The following PPEF1 variants were observed in gnomAD, a reference collection of about 807,000 sequenced individuals.
PPEF1 encodes the protein serine/threonine-protein phosphatase with EF-hands 1.
In PPEF1, 12 loss-of-function variants were observed where a neutral mutation model predicts 53.3. The ratio of observed to expected loss-of-function variants is 0.23; its 90% CI spans 0.14 to 0.36. PPEF1 has a LOEUF of 0.36. Ranked by LOEUF, PPEF1 falls within the 10% of genes least tolerant of loss-of-function variation. The pLI is 1.00. For synonymous variants in PPEF1, 165 were observed against 176.7 expected (o/e 0.93, Z 0.52); for missense variants, 334 against 490.4 (o/e 0.68, Z 3.01).
chrX:18,790,828 G>A (rs1358137739), intron 10 of PPEF1, among the ~76,000 whole-genome samples: 2 of 109,206 alleles, frequency 1.8e-5, no homozygotes, highest in African/African-American at 6.7e-5. Context: ...GCATTACCAC[G>A]CCTGGCTAAT....
chrX:18,784,223 T>A lies in PPEF1; in HGVS notation c.912+175T>A, dbSNP rs186671811. ...TTAAGAAAAATCTATGACTGCATGA[T>A]AAAGAACTAAGTGGGTAACTTCTAT... On this transcript the variant is annotated intron_variant, in intron 9 of 15. Coordinates refer to ENST00000470157, the MANE Select transcript of PPEF1 (RefSeq NM_001377996.1). 6.3e-5 allele frequency among the ~76,000 whole-genome samples: 7 copies of A among 111,907 alleles called. No individual in the cohort carries two copies. In the East Asian group the frequency reaches 2.0e-3, roughly 31 times the overall value.
chrX:18,708,855 A>G (rs1266817538), intron 1 of PPEF1, among the ~76,000 whole-genome samples: 1 of 111,184 alleles, frequency 9.0e-6, no homozygotes, highest in Non-Finnish European at 1.9e-5. Flanking sequence ...TCTGAACTCT[A>G]CTGCTGTAGT....
intron 7 of PPEF1, among the ~76,000 whole-genome samples, chrX:18,781,498 A>G (rs2046085127): frequency 9.0e-6 from 1 of 111,635 alleles, no homozygotes; most frequent in Non-Finnish European, 1.9e-5. Context: ...ATCCAAGGAA[A>G]GAAAAGTTTT....
intron 4 of PPEF1, among the ~76,000 whole-genome samples, chrX:18,754,510 A>T (rs950597849): frequency 8.9e-6 from 1 of 111,750 alleles, no homozygotes; most frequent in Non-Finnish European, 1.9e-5. Context: ...ATCATCTTAG[A>T]TAGCTAAGGC....
rs192417267 is a variant in PPEF1, at chrX:18,827,014, C to T, written c.1751-262C>T. 5.4e-5 allele frequency among the ~76,000 whole-genome samples: 6 copies of T among 111,643 alleles called. No individual in the cohort carries two copies. The East Asian group carries it at 1.7e-3, about 31-fold the overall frequency. Reference sequence around the variant, plus strand: ...TTGTAATTTCTATACCACATTTAGTCCCATAGTCCACAACCCCGTCCCCAT... The same window carrying T: ...TTGTAATTTCTATACCACATTTAGTTCCATAGTCCACAACCCCGTCCCCAT... On this transcript the variant is annotated intron_variant, in intron 15 of 15. Transcript: ENST00000470157.
chrX:18,820,931 T>A (rs920444964), intron 13 of PPEF1, among the ~76,000 whole-genome samples: 7 of 110,285 alleles, frequency 6.3e-5, no homozygotes, highest in Non-Finnish European at 1.3e-4. Context: ...TTAGAAATAA[T>A]CCTTGGCTCC....
chrX:18,703,468 C>T (rs968195092), upstream of PPEF1, among the ~76,000 whole-genome samples: 1 of 111,910 alleles, frequency 8.9e-6, no homozygotes, highest in African/African-American at 3.3e-5. Context: ...TTGAATAGCA[C>T]CTACCTGTGC....
intron 5 of PPEF1, among the ~76,000 whole-genome samples, chrX:18,759,273 T>C (rs2045611289): frequency 9.0e-6 from 1 of 111,412 alleles, no homozygotes; most frequent in Non-Finnish European, 1.9e-5. Flanking sequence ...AACAGCTCAT[T>C]GAACTTCAAA....
At chrX:18,781,061 C>CA (rs200779386) in intron 7 of PPEF1, among the ~76,000 whole-genome samples, 1,696 of 73,065 alleles carry the variant, frequency 0.023, 64 homozygotes, top group African/African-American at 0.091. Flanking sequence ...GTCTCAAAAA[C>CA]AAAAAAAAAG....
At chrX:18,824,505 G>A (rs1260173824) in intron 14 of PPEF1, among the ~76,000 whole-genome samples, 1 of 111,451 alleles carries the variant, frequency 9.0e-6, no homozygotes, top group African/African-American at 3.3e-5. Flanking sequence ...AAAAGCCGAA[G>A]GGGAATCTCC....
chrX:18,815,674 C>T (rs1301078348), intron 12 of PPEF1, among the ~76,000 whole-genome samples: 1 of 111,015 alleles, frequency 9.0e-6, no homozygotes, highest in Admixed American at 9.7e-5. Flanking sequence ...GTGATGTCCC[C>T]TCTCACTCTT....
intron 5 of PPEF1, 122 bp from the exon 6 acceptor site, chrX:18,761,408 C>A (rs1458549574): frequency 6.8e-6 from 4 of 587,336 alleles, no homozygotes; most frequent in Non-Finnish European, 1.1e-5. Context: ...AAATTAACAT[C>A]GTCATAGGAT....
intron 3 of PPEF1, among the ~76,000 whole-genome samples, chrX:18,741,170 T>G (rs928057171): frequency 3.6e-5 from 4 of 112,071 alleles, no homozygotes; most frequent in African/African-American, 1.3e-4. Context: ...CCATTTTTTC[T>G]TTTAGATAAC....
At chrX:18,760,282 T>C (rs1190937950) in intron 5 of PPEF1, among the ~76,000 whole-genome samples, 1 of 111,407 alleles carries the variant, frequency 9.0e-6, no homozygotes. Context: ...CCACCGTGCC[T>C]GGCCTTATTT....
intron 12 of PPEF1, 69 bp from the exon 13 acceptor site, chrX:18,817,970 T>C (rs1050347609): frequency 7.7e-5 from 62 of 809,755 alleles, no homozygotes; most frequent in Non-Finnish European, 1.0e-4. Flanking sequence ...AATAGTAATA[T>C]TGCACATTAA....
At chrX:18,741,995 G>A (rs1156435717) in intron 3 of PPEF1, among the ~76,000 whole-genome samples, 5 of 109,085 alleles carry the variant, frequency 4.6e-5, no homozygotes, top group East Asian at 2.9e-4. Flanking sequence ...ATGGGGTTTC[G>A]CCTTGTTGGC....
At chrX:18,814,495 C>A (rs1448933877) in intron 12 of PPEF1, among the ~76,000 whole-genome samples, 1 of 111,597 alleles carries the variant, frequency 9.0e-6, no homozygotes, top group Non-Finnish European at 1.9e-5. Flanking sequence ...TGCAGCCTTG[C>A]CAATATTTAT....
intron 12 of PPEF1, among the ~76,000 whole-genome samples, chrX:18,813,152 G>T (rs2046840817): frequency 2.7e-5 from 3 of 110,872 alleles, no homozygotes; most frequent in Admixed American, 9.7e-5. Flanking sequence ...AGGCTGAGGC[G>T]GGTGGATCAC....
chrX:18,753,553 T>G (rs1440613639), intron 4 of PPEF1, among the ~76,000 whole-genome samples: 2 of 111,869 alleles, frequency 1.8e-5, no homozygotes, highest in Non-Finnish European at 3.8e-5. Flanking sequence ...TTTATTGATT[T>G]GAGATCCTTC....
Sources: gnomAD v4.1 joint callset for allele counts (sites outside exome capture counted in the v4.1 genomes callset) on GRCh38, gnomAD v4.1.1 for gene constraint, MANE v1.5 for transcripts, NCBI Gene and HGNC (gene_info 2026-07-23, HGNC 2026-07-21) for gene names.